Variants in SAMMSON observed in about 807,000 individuals in gnomAD.
SAMMSON encodes the protein long intergenic non-protein coding RNA 1212.
intron 2 of SAMMSON, among the ~76,000 whole-genome samples, chr3:70,399,246 A>G (rs1481319095): frequency 6.6e-6 from 1 of 152,188 alleles, no homozygotes; most frequent in Non-Finnish European, 1.5e-5. Context: ...AGGACACACT[A>G]GTGGGCAAAT....
At chr3:70,152,334 T>A (rs2067575210) in intron 4 of SAMMSON, among the ~76,000 whole-genome samples, 1 of 152,036 alleles carries the variant, frequency 6.6e-6, no homozygotes, top group Admixed American at 6.6e-5. Context: ...CAAAATGCCA[T>A]TTCAATGCCC....
At chr3:70,288,740 C>T (rs1319020069) in intron 6 of SAMMSON, among the ~76,000 whole-genome samples, 1 of 151,824 alleles carries the variant, frequency 6.6e-6, no homozygotes, top group Non-Finnish European at 1.5e-5. Flanking sequence ...AATCTAGGTG[C>T]TCCTGTGTTG....
chr3:70,100,411 G>T (rs1019808298), intron 4 of SAMMSON, among the ~76,000 whole-genome samples: 1 of 151,982 alleles, frequency 6.6e-6, no homozygotes, highest in South Asian at 2.1e-4. Context: ...GCCTCCCAAA[G>T]TGCTGGGATT....
chr3:70,228,553 T>A (rs936589803), intron 4 of SAMMSON, among the ~76,000 whole-genome samples: 2 of 151,980 alleles, frequency 1.3e-5, no homozygotes, highest in Non-Finnish European at 2.9e-5. Context: ...TGTTTTCTAA[T>A]GTCTAGATTA....
intron 1 of SAMMSON, among the ~76,000 whole-genome samples, chr3:70,008,084 C>A (rs1216740011): frequency 1.3e-5 from 2 of 152,118 alleles, no homozygotes; most frequent in Non-Finnish European, 2.9e-5. Context: ...TAGCATGATG[C>A]CTCCAGCTTT....
At chr3:70,178,549 A>C (rs1174542494) in intron 4 of SAMMSON, among the ~76,000 whole-genome samples, 1 of 152,180 alleles carries the variant, frequency 6.6e-6, no homozygotes, top group South Asian at 2.1e-4. Flanking sequence ...GAAGGGACTA[A>C]TGTTTTGAAA....
At chr3:70,358,332 G>A (rs1006865128) in intron 9 of SAMMSON, 3 of 152,128 alleles carry the variant, frequency 2.0e-5, no homozygotes, top group Admixed American at 6.6e-5. Flanking sequence ...TTGGTAAGTT[G>A]AAATCTACTA....
intron 2 of SAMMSON, among the ~76,000 whole-genome samples, chr3:70,418,971 TTCCTTCCTTC>T (rs879290235): frequency 0.034 from 1,734 of 51,220 alleles, 37 homozygotes; most frequent in Non-Finnish European, 0.058. Flanking sequence ...TTTCCTTTCC[TTCCTTCCTTC>T]TCTCTCTCTC....
chr3:70,142,543 G>T lies in SAMMSON; in HGVS notation n.507+70978G>T, dbSNP rs1035331003. On this transcript the variant is annotated intron_variant and non_coding_transcript_variant, in intron 4 of 9. Coordinates refer to ENST00000642114, the Ensembl canonical transcript of SAMMSON. ...GACTTTGGGGACTTAGGGGGAAAGG[G>T]TGGGAAAGGGGTGAGTGATAAAAGA... Among the ~76,000 whole-genome samples, 4 of 152,080 alleles carry T rather than the reference G, an allele frequency of 2.6e-5. No homozygotes were observed. In the South Asian group the frequency reaches 8.3e-4, roughly 31 times the overall value.
chr3:70,067,006 C>T (rs2067212200), intron 3 of SAMMSON, among the ~76,000 whole-genome samples: 2 of 152,008 alleles, frequency 1.3e-5, no homozygotes, highest in African/African-American at 4.8e-5. Flanking sequence ...TCATGTTTTT[C>T]CCCTTCATTC....
At chr3:70,367,670 A>G (rs1167536505) in intron 9 of SAMMSON, among the ~76,000 whole-genome samples, 1 of 151,708 alleles carries the variant, frequency 6.6e-6, no homozygotes, top group Admixed American at 6.6e-5. Flanking sequence ...TATTGTGAAC[A>G]GTGATGTATT....
At chr3:70,251,550 G>A (rs1301131748) in intron 6 of SAMMSON, among the ~76,000 whole-genome samples, 1 of 152,182 alleles carries the variant, frequency 6.6e-6, no homozygotes, top group African/African-American at 2.4e-5. Context: ...ATGGTGGAGT[G>A]TACATTCCTG....
chr3:70,192,787 A>C (rs949420701), intron 4 of SAMMSON, among the ~76,000 whole-genome samples: 1 of 152,220 alleles, frequency 6.6e-6, no homozygotes, highest in Admixed American at 6.5e-5. Context: ...TGTTTTTCTG[A>C]AATTCAAAGT....
intron 3 of SAMMSON, among the ~76,000 whole-genome samples, chr3:70,050,886 A>C (rs914577601): frequency 1.3e-5 from 2 of 151,972 alleles, no homozygotes; most frequent in Admixed American, 1.3e-4. Context: ...CTGTAATCGC[A>C]ACACTTTGGG....
chr3:70,254,611 A>G (rs1413581626), intron 6 of SAMMSON, among the ~76,000 whole-genome samples: 1 of 152,190 alleles, frequency 6.6e-6, no homozygotes, highest in Non-Finnish European at 1.5e-5. Context: ...CCAAAAGTGG[A>G]AAACAATTTT....
chr3:70,328,334 G>A (rs1702593193), intron 7 of SAMMSON, among the ~76,000 whole-genome samples: 1 of 152,116 alleles, frequency 6.6e-6, no homozygotes, highest in African/African-American at 2.4e-5. Flanking sequence ...TAATTGGGGA[G>A]AAAATCAATC....
rs1404656756 is a variant in SAMMSON, at chr3:70,399,024, A to G, written n.233+40700A>G. Among the ~76,000 whole-genome samples the G allele has an allele frequency of 2.0e-5, 3 of 152,382 alleles. No individual in the cohort carries two copies. In the East Asian group the frequency reaches 5.8e-4, roughly 29 times the overall value. ...CTTAGATTCATTCTGTTTTAGAGCTAGAAGCATCTGAAAGCAAATACATGA... is the reference window on the plus strand; with the variant it reads ...CTTAGATTCATTCTGTTTTAGAGCTGGAAGCATCTGAAAGCAAATACATGA... On this transcript the variant is annotated intron_variant and non_coding_transcript_variant, in intron 2 of 3. Transcript: ENST00000641053.
At chr3:70,104,589 G>A (rs1474467819) in intron 4 of SAMMSON, among the ~76,000 whole-genome samples, 4 of 152,182 alleles carry the variant, frequency 2.6e-5, no homozygotes, top group African/African-American at 9.7e-5. Context: ...CTGGGTCAAG[G>A]TGTACCCCAA....
intron 4 of SAMMSON, among the ~76,000 whole-genome samples, chr3:70,198,778 C>A (rs1701206256): frequency 1.3e-5 from 2 of 152,192 alleles, no homozygotes; most frequent in African/African-American, 4.8e-5. Context: ...AAACTCATCT[C>A]TTTGCCAGAT....
Sources: allele counts gnomAD v4.1 joint callset (sites outside exome capture counted in the v4.1 genomes callset), GRCh38; gene constraint gnomAD v4.1.1; transcripts MANE v1.5; gene names NCBI Gene and HGNC (gene_info 2026-07-23, HGNC 2026-07-21).